CAMK1: variants seen among roughly 807,000 people sequenced by gnomAD.
CAMK1 encodes the protein calcium/calmodulin dependent protein kinase I, also known as calcium/calmodulin-dependent protein kinase type 1.
CAMK1 carries 39 observed loss-of-function variants against 49.1 expected under a neutral mutation model. The ratio of observed to expected loss-of-function variants is 0.79; its 90% CI spans 0.62 to 1.04. The LOEUF is 1.04. Among genes scored for constraint, CAMK1 ranks in the 50% least tolerant of loss-of-function variants. The pLI, the probability that CAMK1 is intolerant of heterozygous loss-of-function variation, is 0.00. For missense variants in CAMK1, 457 were observed against 472.2 expected (o/e 0.97, Z 0.30); for synonymous variants, 192 against 185.2 (o/e 1.04, Z -0.30).
intron 3 of CAMK1, among the ~76,000 whole-genome samples, chr3:9,764,563 C>T (rs1000523584): frequency 2.0e-5 from 3 of 150,772 alleles, no homozygotes; most frequent in Non-Finnish European, 4.4e-5. Context: ...CTGCCCACTT[C>T]AGCCTCTCAA....
intron 10 of CAMK1, chr3:9,759,149 A>G: frequency 6.7e-7 from 1 of 1,503,288 alleles, no homozygotes. Flanking sequence ...TATAGACATT[A>G]TTCCGCTATG....
At chr3:9,765,417 A>G (rs1294202990) in intron 3 of CAMK1, among the ~76,000 whole-genome samples, 3 of 152,064 alleles carry the variant, frequency 2.0e-5, no homozygotes, top group African/African-American at 7.2e-5. Context: ...AGTGGTTTTA[A>G]TATGTGAGGG....
At chr3:9,765,525 T>C (rs183710735) in intron 3 of CAMK1, among the ~76,000 whole-genome samples, 1 of 152,318 alleles carries the variant, frequency 6.6e-6, no homozygotes, top group Admixed American at 6.5e-5. Flanking sequence ...GTTAAACCCC[T>C]GTGACTAAGC....
rs1399767855 is a variant in CAMK1 at position 9,762,933 on chromosome 3, A to G, written c.410T>C (p.Ile137Thr). ...CCCCACCTTGAGATCCCGGTGTACA[A>G]TGCCCAGGTCATGCAGGTATTTCAC... is the stretch of plus-strand genomic sequence containing the variant. ...DAVKYLHDLGIVHRDLKPENL... is the reference protein window; with the variant it reads ...DAVKYLHDLGTVHRDLKPENL... The change falls in exon 5 of 12, where the codon ATT (isoleucine) becomes ACT (threonine). Residue 137 changes from isoleucine to threonine, a missense_variant. Coordinates refer to ENST00000256460, the MANE Select transcript of CAMK1 (RefSeq NM_003656.5). 3 of 1,614,086 alleles carry G rather than the reference A, an allele frequency of 1.9e-6. No homozygotes were observed. Among genetic ancestry groups the G allele is most frequent in the Non-Finnish European group, 2.5e-6 (3 of 1,180,032 alleles).
intron 7 of CAMK1, chr3:9,761,185 G>A (rs1025613445): frequency 2.5e-6 from 1 of 406,740 alleles, no homozygotes; most frequent in Non-Finnish European, 4.5e-6. Flanking sequence ...TTATTTACTT[G>A]TTGATTGTCT....
chr3:9,760,633 GA>G, intron 8 of CAMK1, 22 bp downstream of exon 8: 1 of 1,613,074 alleles, frequency 6.2e-7, no homozygotes, highest in Non-Finnish European at 8.5e-7. Flanking sequence ...GGGCCCAGGG[GA>G]AAAAAGCAAA....
chr3:9,757,573 G>T lies in CAMK1; in HGVS notation c.1079C>A (p.Thr360Lys), dbSNP rs752632116. The change falls in exon 12 of 12, where the codon ACA becomes AAA. Residue 360 changes from threonine (T) to lysine (K), a missense_variant. Coordinates refer to ENST00000256460, the MANE Select transcript of CAMK1 (RefSeq NM_003656.5). This position sits in a 1 kb window ranked among gnomAD's most constrained non-coding sequence, Gnocchi z 4.5. ...CCRDCCVEPG[T>K]ELSPTLPHQL Reference sequence around the variant, plus strand: ...GTGGGGCAGTGTGGGGGACAGTTCTGTGCCCGGCTCCACGCAGCAGTCTCG... The same window carrying T: ...GTGGGGCAGTGTGGGGGACAGTTCTTTGCCCGGCTCCACGCAGCAGTCTCG... 8 of 1,614,044 alleles carry T rather than the reference G, an allele frequency of 5.0e-6. No homozygotes were observed. The highest frequency in any genetic ancestry group is 2.7e-5 in the African/African-American group (2 of 74,930).
rs1340802389 is a variant in CAMK1 at position 9,761,552 on chromosome 3, G to A, written c.557-16C>T. The A allele has an allele frequency of 3.1e-6, 5 of 1,613,472 alleles. No homozygotes were observed. Among genetic ancestry groups the A allele is most frequent in the Non-Finnish European group, 4.2e-6 (5 of 1,179,586 alleles). On this transcript the variant is annotated splice_polypyrimidine_tract_variant and intron_variant, in intron 6 of 11. Coordinates refer to ENST00000256460, the MANE Select transcript of CAMK1 (RefSeq NM_003656.5). ...ACTTCAGGGGCTGTGGAGGGAAGAG[G>A]ACGTGGTGGTGACAAATCTCTGCCC...
intron 1 of CAMK1, among the ~76,000 whole-genome samples, chr3:9,769,437 A>G (rs920337258): frequency 6.6e-6 from 1 of 152,048 alleles, no homozygotes; most frequent in Non-Finnish European, 1.5e-5. Context: ...ATACCAGCAC[A>G]CAAAACACGT....
chr3:9,762,977 G>A lies in CAMK1; in HGVS notation c.366C>T (p.Ile122=). The part of the protein sequence containing the change: ...FYTERDASRL[I]FQVLDAVKYL... ...ATTTCACAGCATCCAGCACCTGGAAGATGAGGCGGCTGGCGTCCCGCTCCG... is the reference window on the plus strand; with the variant it reads ...ATTTCACAGCATCCAGCACCTGGAAAATGAGGCGGCTGGCGTCCCGCTCCG... The change falls in exon 5 of 12, where the codon ATC becomes ATT. Residue 122 remains isoleucine, a synonymous_variant. Transcript: ENST00000256460. The A allele has an allele frequency of 6.2e-7, 1 of 1,614,208 alleles. No individual in the cohort carries two copies. The highest frequency in any genetic ancestry group is 8.5e-7 in the Non-Finnish European group (1 of 1,180,044).
intron 2 of CAMK1, 80 bp from the exon 3 acceptor site, chr3:9,765,970 C>G: frequency 1.9e-6 from 3 of 1,614,210 alleles, no homozygotes; most frequent in Non-Finnish European, 2.5e-6. Context: ...CCTATGGGTT[C>G]TGTGACCACT....
At chr3:9,764,171 G>C (rs550531143) in intron 3 of CAMK1, among the ~76,000 whole-genome samples, 1 of 152,298 alleles carries the variant, frequency 6.6e-6, no homozygotes, top group Non-Finnish European at 1.5e-5. Context: ...ATAAAATGAA[G>C]CCAATGGTAG....
At chr3:9,765,601 C>T (rs897082067) in intron 3 of CAMK1, among the ~76,000 whole-genome samples, 158 bp downstream of exon 3, 1 of 152,158 alleles carries the variant, frequency 6.6e-6, no homozygotes, top group South Asian at 2.1e-4. Context: ...TCTGATGTTC[C>T]CCACAACCCT....
chr3:9,757,982 GC>G lies in CAMK1; in HGVS notation c.913-137del. ...GAGTTATTTTATTAATTCCCCTAAA[GC>G]CCCCCAAAAACCTCTACAAGGCTTT... On this transcript the variant is annotated intron_variant, in intron 10 of 11. Transcript: ENST00000256460. This position sits in a 1 kb window ranked among gnomAD's most constrained non-coding sequence, Gnocchi z 4.5. 1 of 1,426,106 alleles carries G rather than the reference GC, an allele frequency of 7.0e-7. No homozygotes were observed. Among genetic ancestry groups the G allele is most frequent in the Non-Finnish European group, 9.2e-7 (1 of 1,081,192 alleles). 88.3% of individuals were successfully genotyped at this position (1,426,106 alleles called of 1,614,324 possible).
chr3:9,761,713 G>A lies in CAMK1; in HGVS notation c.474C>T (p.Ile158=). 1 of 1,614,182 alleles carries A rather than the reference G, an allele frequency of 6.2e-7. No homozygotes were observed. The highest frequency in any genetic ancestry group is 8.5e-7 in the Non-Finnish European group (1 of 1,180,030). ...TGGAGAGGCCAAAGTCGGAGATCAT[G>A]ATTTTGGAGTCTTCATCCAGGCTGT... The part of the protein sequence containing the change: ...LYYSLDEDSK[I]MISDFGLSKM... The change falls in exon 6 of 12, where the codon ATC becomes ATT. Residue 158 remains isoleucine (I), a synonymous_variant. Coordinates refer to ENST00000256460, the MANE Select transcript of CAMK1 (RefSeq NM_003656.5).
Position 9,757,427 on chromosome 3 carries a change from G to C in CAMK1, c.*112C>G. The C allele has an allele frequency of 6.2e-7, 1 of 1,608,610 alleles. No individual in the cohort carries two copies. The highest frequency in any genetic ancestry group is 8.5e-7 in the Non-Finnish European group (1 of 1,177,004). ...GGAAAATGCAGTGAGGAGTGGTAGG[G>C]AAGCAGGTGAGGAGGGGACAGGGCA... On this transcript the variant is annotated 3_prime_UTR_variant, in exon 12 of 12. Transcript: ENST00000256460. This position sits in a 1 kb window ranked among gnomAD's most constrained non-coding sequence, Gnocchi z 4.5.
intron 1 of CAMK1, among the ~76,000 whole-genome samples, chr3:9,769,179 C>T (rs1338929397): frequency 1.3e-5 from 2 of 151,924 alleles, no homozygotes; most frequent in Non-Finnish European, 2.9e-5. Context: ...CCAAACATCC[C>T]TCACCCAGCT....
Position 9,761,452 on chromosome 3 carries a change from C to G in CAMK1, c.632+9G>C, listed in dbSNP as rs2077866694. Reference sequence around the variant, plus strand: ...GAGCCACAGCCTACCATGGCCAAGCCCCACTTACAAGATGTAGGCGATGAC... The same window carrying G: ...GAGCCACAGCCTACCATGGCCAAGCGCCACTTACAAGATGTAGGCGATGAC... On this transcript the variant is annotated intron_variant, in intron 7 of 11. Transcript: ENST00000256460. 2 of 1,606,294 alleles carry G rather than the reference C, an allele frequency of 1.2e-6. No individual in the cohort carries two copies. Among genetic ancestry groups the G allele is most frequent in the East Asian group, 2.2e-5 (1 of 44,708 alleles).
chr3:9,758,065 A>G, intron 10 of CAMK1: 2 of 591,718 alleles, frequency 3.4e-6, no homozygotes, highest in South Asian at 5.4e-5. Flanking sequence ...ATCTATATAT[A>G]TAAATAGAAA....
Sources: gnomAD v4.1 joint callset for allele counts (sites outside exome capture counted in the v4.1 genomes callset) on GRCh38, gnomAD v4.1.1 for gene constraint, Gnocchi (gnomAD v3.1) non-coding constraint, MANE v1.5 for transcripts, NCBI Gene and HGNC (gene_info 2026-07-23, HGNC 2026-07-21) for gene names.